SHANK2: variants seen among roughly 807,000 people sequenced by gnomAD.
SHANK2 encodes the protein SH3 and multiple ankyrin repeat domains protein 2.
A neutral mutation model predicts 133.7 loss-of-function variants in SHANK2; 43 were observed. The ratio of observed to expected loss-of-function variants is 0.32; its 90% confidence interval spans 0.25 to 0.41. The LOEUF (loss-of-function observed/expected upper bound fraction) is 0.41. Among genes scored for constraint, SHANK2 ranks in the 10% least tolerant of loss-of-function variants. The probability of loss-of-function intolerance (pLI) is 1.00; values close to 1 mark genes in which losing one functional copy is unlikely to be tolerated. For synonymous variants in SHANK2, 1,017 were observed against 952.8 expected (o/e 1.07, Z -1.24); for missense variants, 1,994 against 2,235.8 (o/e 0.89, Z 2.18).
At position 70,797,832 on chromosome 11, in the gene SHANK2, TACAC is replaced by T. The variant is rs368707688; in HGVS notation, c.1777+607_1777+610del. On this transcript the variant is annotated intron_variant, in intron 14 of 25. Coordinates refer to ENST00000601538, the MANE Select transcript of SHANK2 (RefSeq NM_012309.5). ...AGGCTTCACTTTTCCTCCACTCTCA[TACAC>T]ACACACACACACACACACACACACA... is the stretch of plus-strand genomic sequence containing the variant. Among the ~76,000 whole-genome samples, 799 of 142,024 alleles carry T rather than the reference TACAC, an allele frequency of 5.6e-3. 6 individuals carry two copies. Among genetic ancestry groups the T allele is most frequent in the East Asian group, 5.9e-3 (28 of 4,768 alleles). The allele number at this position is 142,024 out of a possible 152,430, so 93.2% of individuals were successfully genotyped here. A position where few individuals can be genotyped will look rare whatever the true frequency, so the allele number is the denominator to read the frequency against.
chr11:70,690,647 A>G lies in SHANK2; in HGVS notation c.1853+8041T>C, dbSNP rs148958457. The stretch of plus-strand genomic sequence containing the variant: ...CACTGTTTTTTAACTTCTGAGTCCA[A>G]CTTGGAGACAAAACTTAGAACCCAT... On this transcript the variant is annotated intron_variant, in intron 15 of 25. Transcript: ENST00000601538. Among the ~76,000 whole-genome samples the G allele has an allele frequency of 5.8e-3, 852 of 146,588 alleles. 6 individuals carry two copies. Among genetic ancestry groups the G allele is most frequent in the African/African-American group, 0.02 (811 of 40,324 alleles).
intron 17 of SHANK2, among the ~76,000 whole-genome samples, chr11:70,594,283 C>A (rs962595313): frequency 6.6e-6 from 1 of 152,154 alleles, no homozygotes; most frequent in Non-Finnish European, 1.5e-5. Context: ...CACGAAAGAT[C>A]GCGTTACGTG....
At position 70,626,887 on chromosome 11, in the gene SHANK2, T is replaced by C. The variant is rs2060912569; in HGVS notation, c.2061+32941A>G. Among the ~76,000 whole-genome samples the C allele has an allele frequency of 1.3e-5, 2 of 152,140 alleles. 1 individual carries two copies. Among genetic ancestry groups the C allele is most frequent in the South Asian group, 4.1e-4 (2 of 4,822 alleles). On this transcript the variant is annotated intron_variant, in intron 17 of 25. Coordinates refer to ENST00000601538, the MANE Select transcript of SHANK2 (RefSeq NM_012309.5). The stretch of plus-strand genomic sequence containing the variant: ...ACTCTTCAGCCCAGAGTGGGCAGCC[T>C]GAAGAGGAAAGACTCCATCCCAGCA...
At chr11:70,652,804 T>C (rs1426725775) in intron 17 of SHANK2, among the ~76,000 whole-genome samples, 15 of 152,164 alleles carry the variant, frequency 9.9e-5, no homozygotes, top group African/African-American at 3.4e-4. Context: ...AGCAAGATCC[T>C]GTCTCTAAAA....
chr11:71,079,906 GGA>G (rs1951274559), intron 8 of SHANK2, among the ~76,000 whole-genome samples: 4 of 92,926 alleles, frequency 4.3e-5, no homozygotes, highest in Admixed American at 1.1e-4. Flanking sequence ...GAAGGGGAGG[GGA>G]GGGGAAGGAA....
chr11:70,517,622 A>T (rs1489403411), intron 17 of SHANK2, among the ~76,000 whole-genome samples: 1 of 152,218 alleles, frequency 6.6e-6, no homozygotes, highest in Non-Finnish European at 1.5e-5. Context: ...AAGGCTGCAC[A>T]CTGTATGATT....
At chr11:71,191,921 C>T (rs1298219023) in intron 2 of SHANK2, among the ~76,000 whole-genome samples, 3 of 151,988 alleles carry the variant, frequency 2.0e-5, no homozygotes, top group Non-Finnish European at 2.9e-5. Flanking sequence ...AGTGCAGTGA[C>T]GTGATCTCAG....
intron 17 of SHANK2, among the ~76,000 whole-genome samples, chr11:70,622,576 G>A (rs2060844753): frequency 1.3e-5 from 2 of 152,240 alleles, no homozygotes; most frequent in Non-Finnish European, 2.9e-5. Flanking sequence ...AGCTCCAGGG[G>A]CTGCGGCCAC....
intron 5 of SHANK2, among the ~76,000 whole-genome samples, chr11:71,111,705 T>A (rs1280297602): frequency 6.6e-6 from 1 of 152,266 alleles, no homozygotes; most frequent in African/African-American, 2.4e-5. Flanking sequence ...ATTTTCTGTA[T>A]GTTTCGGAAC....
Position 70,492,409 on chromosome 11 carries a change from C to A in SHANK2, c.2365G>T (p.Ala789Ser). The change falls in exon 22 of 26, where the codon GCT (alanine) becomes TCT (serine). Residue 789 changes from alanine to serine, a missense_variant. Coordinates refer to ENST00000601538, the MANE Select transcript of SHANK2 (RefSeq NM_012309.5). ...SKPSRAAENMAVEPRVATIKQ... is the reference protein window; with the variant it reads ...SKPSRAAENMSVEPRVATIKQ... ...ATGGTCGCCACCCTCGGTTCCACAG[C>A]CATGTTCTCAGCAGCGCGGGAGGGC... 1 of 1,613,922 alleles carries A rather than the reference C, an allele frequency of 6.2e-7. No individual in the cohort carries two copies. The highest frequency in any genetic ancestry group is 8.5e-7 in the Non-Finnish European group (1 of 1,180,046).
At chr11:70,864,049 C>A in intron 11 of SHANK2, 1 of 345,902 alleles carries the variant, frequency 2.9e-6, no homozygotes, top group Non-Finnish European at 5.6e-6. Context: ...TCTCTACGAC[C>A]TGGGCACCTT....
At chr11:70,845,591 A>T (rs1293492716) in intron 11 of SHANK2, among the ~76,000 whole-genome samples, 2 of 152,140 alleles carry the variant, frequency 1.3e-5, no homozygotes, top group African/African-American at 4.8e-5. Flanking sequence ...ACCACCCACA[A>T]AGACCGTTCC....
At chr11:70,904,500 G>C (rs1950071069) in intron 10 of SHANK2, among the ~76,000 whole-genome samples, 1 of 130,260 alleles carries the variant, frequency 7.7e-6, no homozygotes, top group Non-Finnish European at 1.6e-5. Flanking sequence ...CCCGGTGGGA[G>C]ATCTGATGGG....
intron 17 of SHANK2, among the ~76,000 whole-genome samples, chr11:70,629,106 T>C (rs1199731689): frequency 6.6e-6 from 1 of 152,086 alleles, no homozygotes; most frequent in Non-Finnish European, 1.5e-5. Context: ...CTGAATTCAG[T>C]GGGGAAACGC....
rs1344745124 is a variant in SHANK2 at position 70,807,427 on chromosome 11, C to T, written c.1494-256G>A. On this transcript the variant is annotated intron_variant, in intron 12 of 25. Coordinates refer to ENST00000601538, the MANE Select transcript of SHANK2 (RefSeq NM_012309.5). The surrounding 1 kb of genome is among the most constrained non-coding windows in gnomAD (Gnocchi z 4.8). ...GCCACTCGGGGAGACGTCTGCACAC[C>T]TGCGTTCACAGTGGCACCGTTCACA... 6.6e-6 allele frequency among the ~76,000 whole-genome samples: 1 copy of T among 152,234 alleles called. No individual in the cohort carries two copies. Among genetic ancestry groups the T allele is most frequent in the African/African-American group, 2.4e-5 (1 of 41,474 alleles).
rs183351529 is a variant in SHANK2 at position 71,180,477 on chromosome 11, G to T, written c.-12-33139C>A. On this transcript the variant is annotated intron_variant, in intron 2 of 25. Coordinates refer to ENST00000601538, the MANE Select transcript of SHANK2 (RefSeq NM_012309.5). ...CAGAGGGAAAGCAAGAAAACACGAA[G>T]TTCCTTACCCTGTGCCCATCTAACA... 1.4e-4 allele frequency among the ~76,000 whole-genome samples: 22 copies of T among 152,156 alleles called. 1 individual carries two copies. The highest frequency in any genetic ancestry group is 1.4e-3 in the Admixed American group (22 of 15,272).
intron 11 of SHANK2, among the ~76,000 whole-genome samples, chr11:70,884,229 G>A (rs1555072958): frequency 6.6e-6 from 1 of 152,178 alleles, no homozygotes; most frequent in Admixed American, 6.5e-5. Context: ...GGGGTCAGGG[G>A]GTGCTTCTCA....
chr11:70,524,215 G>C (rs2059367162), intron 17 of SHANK2, among the ~76,000 whole-genome samples: 1 of 152,194 alleles, frequency 6.6e-6, no homozygotes. Context: ...GAGTAACCAA[G>C]AGCAGTCCCA....
intron 14 of SHANK2, among the ~76,000 whole-genome samples, chr11:70,710,296 A>C (rs1016016426): frequency 4.1e-4 from 62 of 152,216 alleles, no homozygotes; most frequent in Non-Finnish European, 7.3e-4. Context: ...CAGGCTCTGA[A>C]GTCAAGGGTG....
Sources: gnomAD v4.1 joint callset for allele counts (sites outside exome capture counted in the v4.1 genomes callset) on GRCh38, gnomAD v4.1.1 for gene constraint, Gnocchi (gnomAD v3.1) non-coding constraint, MANE v1.5 for transcripts, NCBI Gene and HGNC (gene_info 2026-07-23, HGNC 2026-07-21) for gene names.